PREPL: variants seen among roughly 807,000 people sequenced by gnomAD.
PREPL encodes the protein prolyl endopeptidase like, also known as prolyl endopeptidase-like.
PREPL carries 77 observed loss-of-function variants against 70.6 expected under a neutral mutation model. That is an observed-to-expected ratio of 1.09 (90% CI 0.91 to 1.32). The LOEUF (loss-of-function observed/expected upper bound fraction) is 1.32, where lower values mean the gene tolerates loss of function less well. Ranked by LOEUF, PREPL falls within the 40% of genes most tolerant of loss-of-function variation. PREPL has a pLI of 0.00. For synonymous variants in PREPL, 315 were observed against 264.8 expected (o/e 1.19, Z -1.84); for missense variants, 1,002 against 778.2 (o/e 1.29, Z -3.42).
intron 1 of PREPL, among the ~76,000 whole-genome samples, chr2:44,355,535 T>A (rs1676934418): frequency 6.6e-6 from 1 of 151,898 alleles, no homozygotes; most frequent in Admixed American, 6.6e-5. Flanking sequence ...GGTGACAGAG[T>A]GAGACACTGT....
At chr2:44,340,610 T>C (rs1675108350) in intron 5 of PREPL, among the ~76,000 whole-genome samples, 1 of 152,112 alleles carries the variant, frequency 6.6e-6, no homozygotes, top group Non-Finnish European at 1.5e-5. Flanking sequence ...CTTAAATTAT[T>C]AGTATGTAAA....
At chr2:44,340,213 T>A (rs1431634408) in intron 5 of PREPL, among the ~76,000 whole-genome samples, 1 of 152,072 alleles carries the variant, frequency 6.6e-6, no homozygotes. Flanking sequence ...TGTTTCATTA[T>A]AATAAACAAT....
intron 10 of PREPL, among the ~76,000 whole-genome samples, chr2:44,326,199 AAT>A (rs1489465938): frequency 6.6e-6 from 1 of 152,198 alleles, no homozygotes; most frequent in East Asian, 1.9e-4. Context: ...AATAGCCATT[AAT>A]ATCTTTCAGT....
intron 10 of PREPL, among the ~76,000 whole-genome samples, chr2:44,326,383 C>CTT (rs554397665): frequency 4.1e-4 from 52 of 128,200 alleles, no homozygotes; most frequent in East Asian, 8.9e-4. Context: ...TTTTTCTTTC[C>CTT]TTTTTTTTTT....
At chr2:44,341,225 T>C (rs1675187550) in intron 5 of PREPL, among the ~76,000 whole-genome samples, 1 of 152,146 alleles carries the variant, frequency 6.6e-6, no homozygotes, top group African/African-American at 2.4e-5. Flanking sequence ...TATACAATGA[T>C]GAAAATTATT....
Position 44,329,014 on chromosome 2 carries a change from C to T in PREPL, c.1185G>A (p.Met395Ile), listed in dbSNP as rs762704106. Residue 395 changes from methionine (M) to isoleucine (I), a missense_variant, in exon 9 of 14, where the codon ATG becomes ATA. By Grantham distance (10) the Met-to-Ile change is conservative. Transcript: ENST00000409411. ...CAGGCCTGAAATTCATTTTCAAATC[C>T]ATTCCATAAGCTCCATATACATGTA... ...LLVHVYGAYG[M>I]DLKMNFRPER... 2 of 1,614,024 alleles carry T rather than the reference C, an allele frequency of 1.2e-6. No homozygotes were observed. The highest frequency in any genetic ancestry group is 2.2e-5 in the South Asian group (2 of 91,072).
chr2:44,318,073 ATACT>A lies in PREPL; in HGVS notation c.*3279_*3282del, dbSNP rs1258120476. 2.3e-6 allele frequency: 1 copy of A among 442,504 alleles called. No homozygotes were observed. The highest frequency in any genetic ancestry group is 2.5e-5 in the Admixed American group (1 of 39,944). The allele number at this position is 442,504 out of a possible 1,614,324, so 27.4% of individuals were successfully genotyped here. A position where few individuals can be genotyped will look rare whatever the true frequency, so the allele number is the denominator to read the frequency against. On this transcript the variant is annotated 3_prime_UTR_variant, in exon 14 of 14. Coordinates refer to ENST00000409411, the MANE Select transcript of PREPL (RefSeq NM_001171613.2). ...GAAATATTTGCACATGTGCACAATAATACTTAAAGGATCTCAACACTGTTTTTTT... is the reference window on the plus strand; with the variant it reads ...GAAATATTTGCACATGTGCACAATAATAAAGGATCTCAACACTGTTTTTTT...
chr2:44,349,583 T>C (rs1030008808), intron 1 of PREPL, among the ~76,000 whole-genome samples: 46 of 152,270 alleles, frequency 3.0e-4, no homozygotes, highest in African/African-American at 9.9e-4. Flanking sequence ...TGAAATTAAA[T>C]TGATAACAAA....
intron 1 of PREPL, among the ~76,000 whole-genome samples, chr2:44,351,829 G>A (rs528427490): frequency 6.6e-6 from 1 of 152,294 alleles, no homozygotes; most frequent in Non-Finnish European, 1.5e-5. Context: ...AAAGGAGCTT[G>A]TGTGAGTCTG....
chr2:44,330,028 A>C (rs971806161), intron 8 of PREPL, among the ~76,000 whole-genome samples: 1 of 152,220 alleles, frequency 6.6e-6, no homozygotes, highest in Non-Finnish European at 1.5e-5. Context: ...AGCAAAATGT[A>C]ATCAAATAAG....
chr2:44,320,089 CA>C lies in PREPL; in HGVS notation c.*1266del. 3 of 949,510 alleles carry C rather than the reference CA, an allele frequency of 3.2e-6. No individual in the cohort carries two copies. In the Admixed American group the frequency reaches 7.6e-5, roughly 24 times the overall value. The allele number at this position is 949,510 out of a possible 1,614,324, so 58.8% of individuals were successfully genotyped here. A position where few individuals can be genotyped will look rare whatever the true frequency, so the allele number is the denominator to read the frequency against. ...CTTACAATTTGGCAATTATAAGGGG[CA>C]AAATTGGAGCAAGTGTTTTGGGTAA... On this transcript the variant is annotated 3_prime_UTR_variant, in exon 14 of 14. Transcript: ENST00000409411.
At chr2:44,348,340 A>T (rs1379755374) in intron 1 of PREPL, among the ~76,000 whole-genome samples, 1 of 152,248 alleles carries the variant, frequency 6.6e-6, no homozygotes, top group African/African-American at 2.4e-5. Context: ...ATCCCCTCAT[A>T]TCACCATCAT....
Position 44,320,388 on chromosome 2 carries a change from A to G in PREPL, c.*968T>C. 6.2e-7 allele frequency: 1 copy of G among 1,614,110 alleles called. No homozygotes were observed. Among genetic ancestry groups the G allele is most frequent in the East Asian group, 2.2e-5 (1 of 44,876 alleles). On this transcript the variant is annotated 3_prime_UTR_variant, in exon 14 of 14. Transcript: ENST00000409411. ...CGTGGTTCTGAATTTTGGAGAATCA[A>G]CACTGTTAAATCTACATAATATGAT...
intron 1 of PREPL, among the ~76,000 whole-genome samples, chr2:44,355,905 G>C (rs1288387797): frequency 4.6e-5 from 7 of 151,908 alleles, no homozygotes; most frequent in Admixed American, 4.6e-4. Flanking sequence ...ATTTCATTTT[G>C]TATCTTGTTC....
At chr2:44,337,901 A>T (rs1224608576) in intron 7 of PREPL, among the ~76,000 whole-genome samples, 1 of 152,240 alleles carries the variant, frequency 6.6e-6, no homozygotes, top group Non-Finnish European at 1.5e-5. Context: ...GAAAACTGGC[A>T]GACAGAAGAT....
Position 44,320,907 on chromosome 2 carries a change from A to G in PREPL, c.*449T>C, listed in dbSNP as rs908991445. The G allele has an allele frequency of 4.3e-6, 2 of 464,128 alleles. No homozygotes were observed. The highest frequency in any genetic ancestry group is 3.9e-5 in the African/African-American group (2 of 50,786). The allele number at this position is 464,128 out of a possible 1,614,324, so 28.8% of individuals were successfully genotyped here. ...AACACATTAGGACCCCAGATTATTC[A>G]AAAACTTTAACGAATTTTAAGGGGA... On this transcript the variant is annotated 3_prime_UTR_variant, in exon 14 of 14. Transcript: ENST00000409411.
At position 44,320,526 on chromosome 2, in the gene PREPL, G is replaced by C. The variant is rs1484579709; in HGVS notation, c.*830C>G. 5.0e-6 allele frequency: 8 copies of C among 1,613,994 alleles called. No individual in the cohort carries two copies. In the African/African-American group the frequency reaches 1.1e-4, roughly 22 times the overall value. On this transcript the variant is annotated 3_prime_UTR_variant, in exon 14 of 14. Transcript: ENST00000409411. ...GGACAAGGGAGAGGGACTCATCTTT[G>C]AACACAACACGAAGAATCTCCTTCA... is the stretch of plus-strand genomic sequence containing the variant.
intron 8 of PREPL, among the ~76,000 whole-genome samples, chr2:44,330,621 TTTAC>T (rs1372592008): frequency 5.3e-5 from 8 of 152,116 alleles, no homozygotes; most frequent in African/African-American, 1.4e-4. Context: ...AATATTAATA[TTTAC>T]TTAAAGATTG....
chr2:44,349,428 GAATAATA>G (rs1314306446), intron 1 of PREPL, among the ~76,000 whole-genome samples: 64 of 151,850 alleles, frequency 4.2e-4, no homozygotes, highest in Middle Eastern at 3.4e-3. Context: ...GCCTCAAAAA[GAATAATA>G]AATAATAAAT....
Sources: allele counts gnomAD v4.1 joint callset (sites outside exome capture counted in the v4.1 genomes callset), GRCh38; gene constraint gnomAD v4.1.1; transcripts MANE v1.5; gene names NCBI Gene and HGNC (gene_info 2026-07-23, HGNC 2026-07-21).